Variants in RTN1 observed in about 807,000 individuals in gnomAD.
RTN1 encodes reticulon 1.
In RTN1, 25 loss-of-function variants were observed where a neutral mutation model predicts 65.5. That is an observed-to-expected ratio of 0.38 (90% CI 0.28 to 0.53). The LOEUF (loss-of-function observed/expected upper bound fraction) is 0.53. Among genes scored for constraint, RTN1 ranks in the 20% least tolerant of loss-of-function variants. The pLI is 0.79. For missense variants in RTN1, 983 were observed against 1,025.4 expected (o/e 0.96, Z 0.57); for synonymous variants, 471 against 447.6 (o/e 1.05, Z -0.66).
intron 1 of RTN1, among the ~76,000 whole-genome samples, chr14:59,853,540 C>T (rs1887547161): frequency 1.3e-5 from 2 of 152,286 alleles, no homozygotes; most frequent in South Asian, 4.1e-4. Context: ...TCTACTATGA[C>T]TTCTACCCCG....
At chr14:59,673,998 A>C (rs1883566790) in intron 3 of RTN1, among the ~76,000 whole-genome samples, 1 of 152,150 alleles carries the variant, frequency 6.6e-6, no homozygotes, top group South Asian at 2.1e-4. Context: ...AGTGTCTATT[A>C]TTTACAATTT....
intron 3 of RTN1, among the ~76,000 whole-genome samples, chr14:59,636,906 CT>C (rs1882677964): frequency 6.6e-6 from 1 of 152,136 alleles, no homozygotes; most frequent in South Asian, 2.1e-4. Flanking sequence ...TCATAATAAT[CT>C]TTTTGCTGGT....
intron 1 of RTN1, among the ~76,000 whole-genome samples, chr14:59,811,009 G>C (rs536392918): frequency 7.4e-4 from 113 of 152,232 alleles, no homozygotes; most frequent in African/African-American, 2.5e-3. Context: ...AAATATACTG[G>C]AACTTCTATA....
intron 2 of RTN1, among the ~76,000 whole-genome samples, chr14:59,733,130 C>T (rs1487155156): frequency 9.9e-5 from 15 of 151,398 alleles, no homozygotes; most frequent in African/African-American, 3.4e-4. Context: ...CTCGCTTTGC[C>T]GCCCAGGCTG....
intron 1 of RTN1, among the ~76,000 whole-genome samples, chr14:59,822,498 T>C (rs1886960747): frequency 6.6e-6 from 1 of 152,242 alleles, no homozygotes; most frequent in African/African-American, 2.4e-5. Context: ...GATTTTCACA[T>C]ATCAGTTTCA....
At chr14:59,741,890 G>C (rs940909424) in intron 2 of RTN1, among the ~76,000 whole-genome samples, 1 of 152,164 alleles carries the variant, frequency 6.6e-6, no homozygotes, top group African/African-American at 2.4e-5. Context: ...CCTCAGAGGG[G>C]CAGTCCTTGG....
intron 3 of RTN1, among the ~76,000 whole-genome samples, chr14:59,627,368 C>T (rs1882427885): frequency 6.6e-6 from 1 of 152,182 alleles, no homozygotes; most frequent in South Asian, 2.1e-4. Flanking sequence ...TCTGTGTGCC[C>T]TTACCAAAGC....
Position 59,759,095 on chromosome 14 carries a change from T to C in RTN1, c.242-12614A>G, listed in dbSNP as rs1252147748. 6.6e-5 allele frequency among the ~76,000 whole-genome samples: 10 copies of C among 152,172 alleles called. No individual in the cohort carries two copies. The South Asian group carries it at 1.9e-3, about 28-fold the overall frequency. ...GTCCCATATGGCACATCATATATCC[T>C]GATTCATCTTTTTGGTCAGGCATGG... On this transcript the variant is annotated intron_variant, in intron 1 of 8. Transcript: ENST00000267484.
chr14:59,822,021 G>T (rs906556434), intron 1 of RTN1, among the ~76,000 whole-genome samples: 1 of 152,142 alleles, frequency 6.6e-6, no homozygotes, highest in Non-Finnish European at 1.5e-5. Context: ...ATTAATGTTG[G>T]CCTCATAGAG....
At chr14:59,743,826 G>A (rs1885161527) in intron 2 of RTN1, among the ~76,000 whole-genome samples, 1 of 152,142 alleles carries the variant, frequency 6.6e-6, no homozygotes, top group Non-Finnish European at 1.5e-5. Context: ...CCTTTCTCAG[G>A]ACACCAAGCA....
chr14:59,671,192 G>GA (rs1194712623), intron 3 of RTN1, among the ~76,000 whole-genome samples: 5 of 151,704 alleles, frequency 3.3e-5, no homozygotes, highest in African/African-American at 4.8e-5. Flanking sequence ...CATACTTGTG[G>GA]AAAAAAAAGA....
At chr14:59,859,308 G>A (rs1381226245) in intron 1 of RTN1, among the ~76,000 whole-genome samples, 4 of 152,186 alleles carry the variant, frequency 2.6e-5, no homozygotes, top group Non-Finnish European at 5.9e-5. Flanking sequence ...GAGATCTGAT[G>A]GTTTTATAAA....
In RTN1 at chr14:59,727,307, C is replaced by A; in HGVS notation, c.1377G>T (p.Glu459Asp). The A allele has an allele frequency of 1.3e-6, 2 of 1,494,518 alleles. No individual in the cohort carries two copies. Among genetic ancestry groups the A allele is most frequent in the Non-Finnish European group, 1.8e-6 (2 of 1,121,530 alleles). The allele number at this position is 1,494,518 out of a possible 1,614,324, so 92.6% of individuals were successfully genotyped here. The change falls in exon 3 of 9, where the codon GAG (glutamate) becomes GAT (aspartate). Residue 459 changes from glutamate (E) to aspartate (D), a missense_variant. Glu to Asp is a conservative substitution (Grantham distance 45, BLOSUM62 2). This residue lies in a region of RTN1 where 818 missense variants were observed against 801.8 expected (regional missense o/e 1.02). Coordinates refer to ENST00000267484, the MANE Select transcript of RTN1 (RefSeq NM_021136.3). The surrounding 1 kb of genome is among the most constrained non-coding windows in gnomAD (Gnocchi z 4.2). ...TGATGAGCTCGCTGTCCAGCTCGGC[C>A]TCGCGCTCCTCCCTCAGGATGCTGT... ...IQYSILREEREAELDSELIIE... is the reference protein window; with the variant it reads ...IQYSILREERDAELDSELIIE...
intron 3 of RTN1, among the ~76,000 whole-genome samples, chr14:59,713,186 G>T (rs1056980392): frequency 6.6e-6 from 1 of 152,034 alleles, no homozygotes; most frequent in African/African-American, 2.4e-5. Flanking sequence ...TCCAATTGGC[G>T]CACGATTCTT....
chr14:59,694,962 G>T (rs1266988937), intron 3 of RTN1, among the ~76,000 whole-genome samples: 2 of 152,164 alleles, frequency 1.3e-5, no homozygotes, highest in Non-Finnish European at 2.9e-5. Flanking sequence ...AGGAAAAGTG[G>T]GCAGCCACAG....
intron 3 of RTN1, among the ~76,000 whole-genome samples, chr14:59,658,959 C>G (rs563035434): frequency 6.6e-6 from 1 of 152,126 alleles, no homozygotes; most frequent in South Asian, 2.1e-4. Flanking sequence ...CATGTTCTAA[C>G]CCAATGCAAG....
At chr14:59,737,855 C>T (rs1885032098) in intron 2 of RTN1, among the ~76,000 whole-genome samples, 1 of 152,112 alleles carries the variant, frequency 6.6e-6, no homozygotes, top group South Asian at 2.1e-4. Flanking sequence ...AGTAATAAGA[C>T]CACATACCTA....
At chr14:59,717,595 G>A (rs1014836370) in intron 3 of RTN1, among the ~76,000 whole-genome samples, 2 of 152,170 alleles carry the variant, frequency 1.3e-5, no homozygotes, top group Non-Finnish European at 2.9e-5. Flanking sequence ...TGGGGCCTTT[G>A]TTCTAGTGGC....
At chr14:59,607,779 C>T (rs1364889742) in intron 3 of RTN1, among the ~76,000 whole-genome samples, 2 of 151,992 alleles carry the variant, frequency 1.3e-5, no homozygotes, top group Non-Finnish European at 2.9e-5. Flanking sequence ...GTGGGCTACA[C>T]CATCCATACA....
Sources: gnomAD v4.1 joint callset for allele counts (sites outside exome capture counted in the v4.1 genomes callset) on GRCh38, gnomAD v4.1.1 for gene constraint, gnomAD v4.1.1 regional missense constraint, Gnocchi (gnomAD v3.1) non-coding constraint, MANE v1.5 for transcripts, NCBI Gene and HGNC (gene_info 2026-07-23, HGNC 2026-07-21) for gene names.